TSPAN5: variants seen among roughly 807,000 people sequenced by gnomAD.
TSPAN5 encodes tetraspanin 5, also known as tetraspanin-5.
Under a neutral mutation model 37.1 loss-of-function variants are expected in TSPAN5, and 10 were observed. That is an observed-to-expected ratio of 0.27 (90% CI 0.17 to 0.46). TSPAN5 has a LOEUF of 0.46. TSPAN5 is among the 20% of genes least tolerant of loss of function. The pLI is 1.00. For synonymous variants in TSPAN5, 110 were observed against 118.9 expected (o/e 0.93, Z 0.48); for missense variants, 195 against 326.6 (o/e 0.60, Z 3.11).
chr4:98,532,008 T>A (rs1256090258), intron 1 of TSPAN5, among the ~76,000 whole-genome samples: 2 of 152,226 alleles, frequency 1.3e-5, no homozygotes, highest in African/African-American at 4.8e-5. Context: ...CCTTGTAGGT[T>A]GCCTGTTCAC....
intron 1 of TSPAN5, 120 bp downstream of exon 1, chr4:98,658,026 T>C: frequency 2.3e-6 from 2 of 871,032 alleles, no homozygotes; most frequent in Non-Finnish European, 2.0e-6. Flanking sequence ...CGAATGCCTC[T>C]ATGCTGCTCC....
In TSPAN5 at chr4:98,623,164, G is replaced by C. The variant is rs146896127; in HGVS notation, c.81+34982C>G. ...TGTAAGAGGTTAAACTACTTGACCT[G>C]TTATCAGAACTGGTGAATAAATGCT... On this transcript the variant is annotated intron_variant, in intron 1 of 7. Transcript: ENST00000305798. 4.4e-3 allele frequency among the ~76,000 whole-genome samples: 674 copies of C among 152,298 alleles called. 8 individuals are homozygous for C. The highest frequency in any genetic ancestry group is 0.015 in the African/African-American group (626 of 41,568).
intron 1 of TSPAN5, among the ~76,000 whole-genome samples, chr4:98,533,158 G>A (rs1754138039): frequency 1.3e-5 from 2 of 152,060 alleles, no homozygotes; most frequent in South Asian, 4.2e-4. Flanking sequence ...TTCCTTTTTT[G>A]TGGTGTCTCT....
In TSPAN5 at chr4:98,567,630, C is replaced by A. The variant is rs1430988751; in HGVS notation, c.82-59902G>T. Among the ~76,000 whole-genome samples, 5 of 152,232 alleles carry A rather than the reference C, an allele frequency of 3.3e-5. No individual in the cohort carries two copies. The South Asian group carries it at 1.0e-3, about 32-fold the overall frequency. ...GGGATGTAATCGCAGATGGGTCTGC[C>A]TCCAGTATGTCCTCAAGTACCACAG... On this transcript the variant is annotated intron_variant, in intron 1 of 7. Coordinates refer to ENST00000305798, the MANE Select transcript of TSPAN5 (RefSeq NM_005723.4).
chr4:98,513,972 T>C (rs529987568), intron 1 of TSPAN5, among the ~76,000 whole-genome samples: 9 of 152,118 alleles, frequency 5.9e-5, no homozygotes, highest in Non-Finnish European at 1.0e-4. Flanking sequence ...CTTAAAAACA[T>C]AGCAATTACA....
At chr4:98,519,275 G>A (rs1753803220) in intron 1 of TSPAN5, among the ~76,000 whole-genome samples, 1 of 152,136 alleles carries the variant, frequency 6.6e-6, no homozygotes, top group African/African-American at 2.4e-5. Context: ...AGGATTGCTT[G>A]AGTCCAGGAG....
chr4:98,518,781 G>T (rs550090929), intron 1 of TSPAN5, among the ~76,000 whole-genome samples: 89 of 152,324 alleles, frequency 5.8e-4, no homozygotes, highest in Non-Finnish European at 1.1e-3. Flanking sequence ...TACTACATCA[G>T]AAACTCTGGG....
chr4:98,484,426 G>C (rs777018109), intron 3 of TSPAN5: 88 of 455,778 alleles, frequency 1.9e-4, no homozygotes, highest in South Asian at 9.2e-4. Context: ...TTCCAGGCAA[G>C]TTTTTATTGT....
At chr4:98,606,476 C>G (rs1407217528) in intron 1 of TSPAN5, among the ~76,000 whole-genome samples, 1 of 152,158 alleles carries the variant, frequency 6.6e-6, no homozygotes, top group Non-Finnish European at 1.5e-5. Flanking sequence ...AATGGATATA[C>G]AGGTAGATAA....
intron 1 of TSPAN5, among the ~76,000 whole-genome samples, chr4:98,564,455 G>A (rs1186950669): frequency 6.6e-6 from 1 of 152,150 alleles, no homozygotes; most frequent in Non-Finnish European, 1.5e-5. Flanking sequence ...TTAGATTAAT[G>A]AAAGAAGCAA....
chr4:98,607,403 G>A (rs1292812006), intron 1 of TSPAN5, among the ~76,000 whole-genome samples: 1 of 152,150 alleles, frequency 6.6e-6, no homozygotes, highest in East Asian at 1.9e-4. Flanking sequence ...ATGAACCCCA[G>A]AAAGACTGTC....
intron 1 of TSPAN5, among the ~76,000 whole-genome samples, chr4:98,532,758 T>G (rs904833624): frequency 3.3e-5 from 5 of 152,214 alleles, no homozygotes; most frequent in African/African-American, 1.2e-4. Context: ...AGGGCATCCC[T>G]GTCTTGTGCC....
Position 98,578,009 on chromosome 4 carries a change from A to T in TSPAN5, c.82-70281T>A, listed in dbSNP as rs376034475. ...ATTAATTATACCTTAAATCTGTGTG[A>T]GTTGGCAGCATCACATTAGATCACA... On this transcript the variant is annotated intron_variant, in intron 1 of 7. Coordinates refer to ENST00000305798, the MANE Select transcript of TSPAN5 (RefSeq NM_005723.4). 2.0e-5 allele frequency among the ~76,000 whole-genome samples: 3 copies of T among 152,374 alleles called. No individual in the cohort carries two copies. The East Asian group carries it at 5.8e-4, about 29-fold the overall frequency.
At chr4:98,641,248 A>G (rs1756958033) in intron 1 of TSPAN5, among the ~76,000 whole-genome samples, 1 of 152,236 alleles carries the variant, frequency 6.6e-6, no homozygotes, top group Non-Finnish European at 1.5e-5. Context: ...CAAAAAAACC[A>G]AACAGGACAT....
intron 1 of TSPAN5, among the ~76,000 whole-genome samples, chr4:98,620,038 G>C (rs188491300): frequency 3.8e-4 from 58 of 152,238 alleles, no homozygotes; most frequent in African/African-American, 1.3e-3. Context: ...TGGAGAATTT[G>C]GGCAGTTTTT....
At chr4:98,603,780 T>C (rs1159357329) in intron 1 of TSPAN5, among the ~76,000 whole-genome samples, 2 of 152,170 alleles carry the variant, frequency 1.3e-5, no homozygotes, top group Non-Finnish European at 2.9e-5. Context: ...GAAAATAAAA[T>C]TGGTGCCCAC....
At chr4:98,607,963 G>A (rs765093101) in intron 1 of TSPAN5, among the ~76,000 whole-genome samples, 61 of 152,130 alleles carry the variant, frequency 4.0e-4, no homozygotes, top group Non-Finnish European at 1.2e-4. Flanking sequence ...CGCCTGCCTC[G>A]GGCTCCCAAA....
At chr4:98,633,035 A>G (rs1485687998) in intron 1 of TSPAN5, among the ~76,000 whole-genome samples, 1 of 152,126 alleles carries the variant, frequency 6.6e-6, no homozygotes. Flanking sequence ...AGTTGGGAGG[A>G]TGGAGGCTCA....
At chr4:98,521,971 T>C (rs1753867346) in intron 1 of TSPAN5, among the ~76,000 whole-genome samples, 1 of 152,238 alleles carries the variant, frequency 6.6e-6, no homozygotes, top group Non-Finnish European at 1.5e-5. Flanking sequence ...TATATCATTC[T>C]TTCATTTTAA....
Sources: allele counts gnomAD v4.1 joint callset (sites outside exome capture counted in the v4.1 genomes callset), GRCh38; gene constraint gnomAD v4.1.1; transcripts MANE v1.5; gene names NCBI Gene and HGNC (gene_info 2026-07-23, HGNC 2026-07-21).